SLC51A: variants seen among roughly 807,000 people sequenced by gnomAD.
SLC51A encodes organic solute transporter subunit alpha.
A neutral mutation model predicts 34.8 loss-of-function variants in SLC51A; 22 were observed. The ratio of observed to expected loss-of-function variants is 0.63; its 90% CI spans 0.45 to 0.90. The LOEUF is 0.90. Ranked by LOEUF, SLC51A falls within the 40% of genes least tolerant of loss-of-function variation. The probability of loss-of-function intolerance (pLI) is 0.00; values close to 1 mark genes in which losing one functional copy is unlikely to be tolerated. For synonymous variants in SLC51A, 181 were observed against 176.3 expected, an observed-to-expected ratio of 1.03 and a Z score of -0.21; for missense variants, 371 against 414.8, an observed-to-expected ratio of 0.89 and a Z score of 0.92.
intron 2 of SLC51A, among the ~76,000 whole-genome samples, chr3:196,219,936 C>T (rs1723701924): frequency 6.6e-6 from 1 of 152,272 alleles, no homozygotes. Flanking sequence ...AACCCCAAGG[C>T]TGTTCAGAAC....
At chr3:196,222,351 G>A (rs1169192233) in intron 2 of SLC51A, among the ~76,000 whole-genome samples, 1 of 151,982 alleles carries the variant, frequency 6.6e-6, no homozygotes, top group East Asian at 1.9e-4. Flanking sequence ...GTTAAGTTTT[G>A]TGACCAGGCA....
intron 6 of SLC51A, among the ~76,000 whole-genome samples, chr3:196,229,207 A>G (rs1723971154): frequency 6.6e-6 from 1 of 152,124 alleles, no homozygotes; most frequent in Admixed American, 6.5e-5. Context: ...GTGGGAGTTC[A>G]AGACCAGCCT....
At position 196,228,752 on chromosome 3, in the gene SLC51A, G is replaced by A. The variant is rs1034275346; in HGVS notation, c.522-57G>A. 106 of 1,477,080 alleles carry A rather than the reference G, an allele frequency of 7.2e-5. No individual in the cohort carries two copies. Among genetic ancestry groups the A allele is most frequent in the East Asian group, 1.8e-4 (8 of 44,210 alleles). The allele number at this position is 1,477,080 out of a possible 1,614,324, so 91.5% of individuals were successfully genotyped here. A position where few individuals can be genotyped will look rare whatever the true frequency, so the allele number is the denominator to read the frequency against. On this transcript the variant is annotated intron_variant, in intron 5 of 8. Transcript: ENST00000296327. The surrounding 1 kb of genome is among the most constrained non-coding windows in gnomAD (Gnocchi z 4.9). ...CAGGAGCCCTGTGAGGAGCCGGGGC[G>A]TCTTCCTGGGGCAGGGGGTTTGTGG...
chr3:196,229,742 T>C (rs892883505), intron 6 of SLC51A, 173 bp from the exon 7 acceptor site: 20 of 573,372 alleles, frequency 3.5e-5, no homozygotes, highest in Admixed American at 1.6e-4. Context: ...TAGTCCCAGC[T>C]ACTCAGAAGC....
Position 196,228,719 on chromosome 3 carries a change from C to T in SLC51A, c.522-90C>T. 9.4e-7 allele frequency: 1 copy of T among 1,067,326 alleles called. No homozygotes were observed. Among genetic ancestry groups the T allele is most frequent in the Non-Finnish European group, 1.5e-6 (1 of 687,202 alleles). The allele number at this position is 1,067,326 out of a possible 1,614,324, so 66.1% of individuals were successfully genotyped here. ...GTTGGTGTTTATGACAGCAGCCGAG[C>T]CTCAGCCCAGGAGCCCTGTGAGGAG... is the stretch of plus-strand genomic sequence containing the variant. On this transcript the variant is annotated intron_variant, in intron 5 of 8. Transcript: ENST00000296327. This position sits in a 1 kb window ranked among gnomAD's most constrained non-coding sequence, Gnocchi z 4.9.
In SLC51A at chr3:196,216,724, C is replaced by A. The variant is rs762715641; in HGVS notation, c.12C>A (p.Gly4=). 5 of 1,576,228 alleles carry A rather than the reference C, an allele frequency of 3.2e-6. No individual in the cohort carries two copies. The African/African-American group carries it at 5.4e-5, about 17-fold the overall frequency. Residue 4 remains glycine (G), a synonymous_variant, in exon 1 of 9, where the codon GGC becomes GGA. Coordinates refer to ENST00000296327, the MANE Select transcript of SLC51A (RefSeq NM_152672.6). This position sits in a 1 kb window ranked among gnomAD's most constrained non-coding sequence, Gnocchi z 4.5. The part of the protein sequence containing the change: MEP[G]RTQIKLDPRY... ...GAGAGAACGCGGCGATGGAGCCGGG[C>A]AGGACCCAGATAAAGCTTGACCCCA...
intron 2 of SLC51A, among the ~76,000 whole-genome samples, 168 bp downstream of exon 2, chr3:196,218,104 G>A (rs1723643877): frequency 1.3e-5 from 2 of 152,320 alleles, no homozygotes; most frequent in South Asian, 2.1e-4. Flanking sequence ...ATGCCTCAAG[G>A]AGTCAGTGGG....
At chr3:196,230,135 A>G in intron 7 of SLC51A, 74 bp downstream of exon 7, 3 of 1,383,722 alleles carry the variant, frequency 2.2e-6, no homozygotes, top group Non-Finnish European at 1.9e-6. Context: ...AGTGAGGCCA[A>G]TAAAGGCTAA....
In SLC51A at chr3:196,232,537, AGCCTCCT is replaced by A. The variant is rs766810041; in HGVS notation, c.886+15_886+21del. ...ACCAGGTCTCAAGGTGAGCACGTTA[AGCCTCCT>A]GTCCCATCGTGGGATGGATGAGACG... On this transcript the variant is annotated intron_variant, in intron 8 of 8. Coordinates refer to ENST00000296327, the MANE Select transcript of SLC51A (RefSeq NM_152672.6). The A allele has an allele frequency of 1.9e-6, 3 of 1,601,106 alleles. No homozygotes were observed. In the South Asian group the frequency reaches 3.3e-5, roughly 18 times the overall value.
intron 2 of SLC51A, among the ~76,000 whole-genome samples, chr3:196,219,571 G>A (rs749226650): frequency 3.9e-5 from 6 of 152,254 alleles, no homozygotes; most frequent in South Asian, 2.1e-4. Context: ...AGTGTCCGGA[G>A]ATGCCTGGTG....
chr3:196,227,622 G>A, intron 3 of SLC51A, 42 bp from the exon 4 acceptor site: 4 of 1,589,942 alleles, frequency 2.5e-6, no homozygotes, highest in Non-Finnish European at 2.6e-6. Context: ...GAGCCTCAGG[G>A]TCTCCCTCCC....
Position 196,228,590 on chromosome 3 carries a change from G to A in SLC51A, c.522-219G>A, listed in dbSNP as rs921883197. On this transcript the variant is annotated intron_variant, in intron 5 of 8. Transcript: ENST00000296327. This position sits in a 1 kb window ranked among gnomAD's most constrained non-coding sequence, Gnocchi z 4.9. ...GGTTGAGGTCACACTCCCAGACCTC[G>A]CTCCAAAGACGGAATTCTTGTCTGG... 11 of 607,132 alleles carry A rather than the reference G, an allele frequency of 1.8e-5. No individual in the cohort carries two copies. The highest frequency in any genetic ancestry group is 7.4e-5 in the African/African-American group (4 of 53,992). The allele number at this position is 607,132 out of a possible 1,614,324, so 37.6% of individuals were successfully genotyped here.
chr3:196,218,708 T>C (rs1248976432), intron 2 of SLC51A, among the ~76,000 whole-genome samples: 2 of 152,206 alleles, frequency 1.3e-5, no homozygotes, highest in Non-Finnish European at 2.9e-5. Context: ...CTTGGGGTGC[T>C]CCTGGTCGTC....
At position 196,232,401 on chromosome 3, in the gene SLC51A, CTCTTT is replaced by C. The variant is rs1186468451; in HGVS notation, c.781-16_781-12del. On this transcript the variant is annotated splice_polypyrimidine_tract_variant and intron_variant, in intron 7 of 8. Transcript: ENST00000296327. ...GGGCAGGCCCAGTCCACCCTTGCCT[CTCTTT>C]TATGTTCCGCAGGTTCTCCTCATCC... 6.2e-7 allele frequency: 1 copy of C among 1,605,684 alleles called. No homozygotes were observed. The highest frequency in any genetic ancestry group is 1.7e-5 in the Admixed American group (1 of 60,012).
In SLC51A at chr3:196,226,954, T is replaced by C. The variant is rs571530081; in HGVS notation, c.134-11T>C. 3.7e-6 allele frequency: 6 copies of C among 1,606,754 alleles called. No homozygotes were observed. The Admixed American group carries it at 5.1e-5, about 14-fold the overall frequency. ...TCCCGGTCGTCAGCTCTCTGCCTTC[T>C]CCTCCTCTAGCCCTGGGCCCTGTGG... On this transcript the variant is annotated splice_polypyrimidine_tract_variant and intron_variant, in intron 2 of 8. Transcript: ENST00000296327.
chr3:196,217,765 T>C, intron 1 of SLC51A, 77 bp from the exon 2 acceptor site: 3 of 1,154,944 alleles, frequency 2.6e-6, no homozygotes, highest in South Asian at 2.6e-5. Flanking sequence ...CACTCAGGAG[T>C]GGTTGAGGGT....
chr3:196,230,318 T>G lies in SLC51A; in HGVS notation c.780+257T>G, dbSNP rs1166032143. 2.0e-5 allele frequency among the ~76,000 whole-genome samples: 3 copies of G among 152,192 alleles called. No homozygotes were observed. In the East Asian group the frequency reaches 5.8e-4, roughly 29 times the overall value. On this transcript the variant is annotated intron_variant, in intron 7 of 8. Coordinates refer to ENST00000296327, the MANE Select transcript of SLC51A (RefSeq NM_152672.6). The stretch of plus-strand genomic sequence containing the variant: ...ACAGACATGTCTTGTCTCATTGTGC[T>G]GGAGGCTAGAAGTCCACAGCGAAGG...
intron 2 of SLC51A, among the ~76,000 whole-genome samples, chr3:196,225,237 G>C (rs1723866973): frequency 6.6e-6 from 1 of 152,038 alleles, no homozygotes; most frequent in African/African-American, 2.4e-5. Flanking sequence ...GCTTCCCAAA[G>C]TGCTGGGACT....
At chr3:196,232,686 CCT>C in intron 8 of SLC51A, 162 bp downstream of exon 8, 1 of 626,426 alleles carries the variant, frequency 1.6e-6, no homozygotes, top group African/African-American at 1.8e-5. Flanking sequence ...GAAACTATGA[CCT>C]CTCTGATCAC....
Sources: allele counts gnomAD v4.1 joint callset (sites outside exome capture counted in the v4.1 genomes callset), GRCh38; gene constraint gnomAD v4.1.1; non-coding constraint Gnocchi (gnomAD v3.1); transcripts MANE v1.5; gene names NCBI Gene and HGNC (gene_info 2026-07-23, HGNC 2026-07-21).